The following NKAIN2 variants were observed in gnomAD, a reference collection of about 807,000 sequenced individuals.
The protein encoded by NKAIN2 is sodium/potassium transporting ATPase interacting 2.
NKAIN2 carries 14 observed loss-of-function variants against 32.6 expected under a neutral mutation model. The observed-to-expected ratio is 0.43, with a 90% CI of 0.28 to 0.67. The LOEUF (loss-of-function observed/expected upper bound fraction) is 0.67. NKAIN2 is among the 30% of genes least tolerant of loss of function. The pLI, the probability that NKAIN2 is intolerant of heterozygous loss-of-function variation, is 0.17. For missense variants in NKAIN2, 198 were observed against 258.3 expected (o/e 0.77, Z 1.60); for synonymous variants, 80 against 87.2 (o/e 0.92, Z 0.46).
chr6:123,848,568 A>G (rs1472334034), intron 1 of NKAIN2, among the ~76,000 whole-genome samples: 1 of 152,118 alleles, frequency 6.6e-6, no homozygotes, highest in Non-Finnish European at 1.5e-5. Context: ...TTCCCCTTCC[A>G]CCACAATTGT....
intron 3 of NKAIN2, among the ~76,000 whole-genome samples, chr6:124,497,397 G>A (rs1778102485): frequency 6.6e-6 from 1 of 152,152 alleles, no homozygotes; most frequent in Non-Finnish European, 1.5e-5. Flanking sequence ...CTGCAGCACA[G>A]TTGTTCAAGA....
chr6:124,311,721 C>A (rs535097659), intron 2 of NKAIN2, among the ~76,000 whole-genome samples: 23 of 152,176 alleles, frequency 1.5e-4, no homozygotes, highest in African/African-American at 5.3e-4. Context: ...TAATTGGTAT[C>A]GTTAGTGATT....
At chr6:123,933,688 T>C (rs540149637) in intron 1 of NKAIN2, among the ~76,000 whole-genome samples, 52 of 152,318 alleles carry the variant, frequency 3.4e-4, no homozygotes, top group African/African-American at 1.1e-3. Flanking sequence ...CTTTCTACCC[T>C]CAAAGCAATT....
chr6:123,984,381 G>T (rs1779038884), intron 1 of NKAIN2, among the ~76,000 whole-genome samples: 1 of 151,806 alleles, frequency 6.6e-6, no homozygotes, highest in African/African-American at 2.4e-5. Flanking sequence ...GAAATGGAAG[G>T]CTATTTATAA....
chr6:124,353,484 G>C (rs537034245), intron 2 of NKAIN2, among the ~76,000 whole-genome samples: 1 of 152,276 alleles, frequency 6.6e-6, no homozygotes, highest in East Asian at 1.9e-4. Context: ...GCCGGGCGTG[G>C]TGGCTCAATC....
chr6:124,343,646 T>C (rs1484549666), intron 2 of NKAIN2, among the ~76,000 whole-genome samples: 2 of 150,334 alleles, frequency 1.3e-5, no homozygotes, highest in Non-Finnish European at 3.0e-5. Context: ...GAAGTGTCTG[T>C]TGATATCCTT....
At chr6:124,038,181 G>A (rs1049172277) in intron 1 of NKAIN2, among the ~76,000 whole-genome samples, 1 of 151,950 alleles carries the variant, frequency 6.6e-6, no homozygotes, top group Non-Finnish European at 1.5e-5. Context: ...CACTAATTTA[G>A]AGGAGGCTAA....
chr6:124,600,768 T>C (rs1021661042), intron 3 of NKAIN2, among the ~76,000 whole-genome samples: 2 of 152,134 alleles, frequency 1.3e-5, no homozygotes, highest in African/African-American at 4.8e-5. Flanking sequence ...AAAACAAACA[T>C]TTTTATGGTT....
chr6:124,308,509 T>C (rs1191490516), intron 2 of NKAIN2, among the ~76,000 whole-genome samples: 1 of 152,208 alleles, frequency 6.6e-6, no homozygotes, highest in Non-Finnish European at 1.5e-5. Flanking sequence ...AGCTGAAATA[T>C]TTCCTGAGTA....
intron 4 of NKAIN2, among the ~76,000 whole-genome samples, chr6:124,755,368 CT>C (rs1583801176): frequency 6.6e-6 from 1 of 152,242 alleles, no homozygotes; most frequent in East Asian, 1.9e-4. Context: ...GAGGGTGGGT[CT>C]TCCTCTCCCA....
chr6:124,213,232 A>T (rs764887177), intron 1 of NKAIN2, among the ~76,000 whole-genome samples: 2 of 152,140 alleles, frequency 1.3e-5, no homozygotes, highest in Non-Finnish European at 2.9e-5. Context: ...AGTAATTTAC[A>T]TATCTTCATC....
At chr6:124,408,635 C>T (rs1181097608) in intron 3 of NKAIN2, among the ~76,000 whole-genome samples, 2 of 152,130 alleles carry the variant, frequency 1.3e-5, no homozygotes, top group Non-Finnish European at 2.9e-5. Flanking sequence ...TAGTGTGATG[C>T]CTCCAGCTTT....
At chr6:124,537,082 A>G (rs923064219) in intron 3 of NKAIN2, among the ~76,000 whole-genome samples, 1 of 152,192 alleles carries the variant, frequency 6.6e-6, no homozygotes, top group Admixed American at 6.5e-5. Context: ...GCAAAAAGCC[A>G]GTAGGTGTCC....
intron 3 of NKAIN2, among the ~76,000 whole-genome samples, chr6:124,408,306 C>G (rs1583202617): frequency 6.6e-6 from 1 of 152,132 alleles, no homozygotes; most frequent in Admixed American, 6.5e-5. Flanking sequence ...TCTAGGTTTT[C>G]TTCTAGGGTT....
chr6:124,108,291 A>T (rs1208879273), intron 1 of NKAIN2, among the ~76,000 whole-genome samples: 1 of 152,094 alleles, frequency 6.6e-6, no homozygotes, highest in Non-Finnish European at 1.5e-5. Context: ...ATCTTTTCAT[A>T]TACACGGTGT....
intron 1 of NKAIN2, among the ~76,000 whole-genome samples, chr6:123,883,809 T>G (rs1345401688): frequency 1.4e-5 from 2 of 143,198 alleles, no homozygotes; most frequent in Non-Finnish European, 3.0e-5. Flanking sequence ...GCAGGAGAAT[T>G]GCGTGAACCT....
intron 3 of NKAIN2, among the ~76,000 whole-genome samples, chr6:124,487,054 A>G (rs1777680679): frequency 6.6e-6 from 1 of 152,144 alleles, no homozygotes; most frequent in African/African-American, 2.4e-5. Context: ...TAACCTGGGA[A>G]GTTAAGGATG....
intron 2 of NKAIN2, among the ~76,000 whole-genome samples, chr6:124,310,946 C>G (rs1005511611): frequency 1.3e-5 from 2 of 152,088 alleles, no homozygotes; most frequent in East Asian, 3.9e-4. Context: ...AATCTGTGAA[C>G]AAAATCACTC....
rs920410253 is a variant in NKAIN2 at position 123,884,842 on chromosome 6, A to G, written c.54+80588A>G. Among the ~76,000 whole-genome samples the G allele has an allele frequency of 2.0e-5, 3 of 152,160 alleles. No individual in the cohort carries two copies. The East Asian group carries it at 5.8e-4, about 29-fold the overall frequency. ...CCTAGATTACTATTTCAGCTGAGCA[A>G]CAACGTCTTGATTATACCTCGATCA... is the stretch of plus-strand genomic sequence containing the variant. On this transcript the variant is annotated intron_variant, in intron 1 of 6. Coordinates refer to ENST00000368417, the MANE Select transcript of NKAIN2 (RefSeq NM_001040214.3).
Sources: gnomAD v4.1 joint callset for allele counts (sites outside exome capture counted in the v4.1 genomes callset) on GRCh38, gnomAD v4.1.1 for gene constraint, MANE v1.5 for transcripts, NCBI Gene and HGNC (gene_info 2026-07-23, HGNC 2026-07-21) for gene names.